RAD21L1: variants seen among roughly 807,000 people sequenced by gnomAD.
The protein encoded by RAD21L1 is RAD21 cohesin complex component like 1.
RAD21L1 carries 47 observed loss-of-function variants against 69.0 expected under a neutral mutation model. The observed-to-expected ratio is 0.68, with a 90% confidence interval of 0.54 to 0.87. RAD21L1 has a LOEUF of 0.87. Among genes scored for constraint, RAD21L1 ranks in the 40% least tolerant of loss-of-function variants. The pLI, the probability that RAD21L1 is intolerant of heterozygous loss-of-function variation, is 0.00. For missense variants in RAD21L1, 583 were observed against 647.6 expected, an observed-to-expected ratio of 0.90 and a Z score of 1.08; for synonymous variants, 177 against 205.8, an observed-to-expected ratio of 0.86 and a Z score of 1.20.
chr20:1,254,224 G>T, intron 13 of RAD21L1, 45 bp from the exon 14 acceptor site: 2 of 1,326,604 alleles, frequency 1.5e-6, no homozygotes, highest in East Asian at 2.6e-5. Context: ...TACTTCTAAT[G>T]ATCTTGTTTC....
intron 5 of RAD21L1, among the ~76,000 whole-genome samples, chr20:1,236,562 G>A (rs944336278): frequency 5.9e-5 from 9 of 151,840 alleles, no homozygotes; most frequent in African/African-American, 2.2e-4. Flanking sequence ...TTAGTAAATG[G>A]GCAGATTTGG....
At chr20:1,235,121 C>T (rs1308126293) in intron 5 of RAD21L1, among the ~76,000 whole-genome samples, 3 of 152,070 alleles carry the variant, frequency 2.0e-5, no homozygotes, top group Non-Finnish European at 4.4e-5. Flanking sequence ...TCTCCTACTC[C>T]CTGTCTTATA....
intron 7 of RAD21L1, 65 bp downstream of exon 7, chr20:1,239,472 G>C: frequency 1.2e-6 from 1 of 824,128 alleles, no homozygotes; most frequent in African/African-American, 1.7e-5. Flanking sequence ...CAGAACTTCT[G>C]AATTTAAGTA....
Position 1,243,080 on chromosome 20 carries a change from AAT to A in RAD21L1, c.1084-16_1084-15del, listed in dbSNP as rs1317565826. ...CTGGTACAAAAACAAAAAAAACAAA[AAT>A]GTGTATTTTTACAGTTGTTTACAAA... On this transcript the variant is annotated splice_polypyrimidine_tract_variant and intron_variant, in intron 9 of 13. Coordinates refer to ENST00000683101, the MANE Select transcript of RAD21L1 (RefSeq NM_001384355.1). The A allele has an allele frequency of 2.0e-6, 3 of 1,464,048 alleles. No homozygotes were observed. The highest frequency in any genetic ancestry group is 2.7e-6 in the Non-Finnish European group (3 of 1,092,108). 90.7% of individuals were successfully genotyped at this position (1,464,048 alleles called of 1,614,324 possible). A position where few individuals can be genotyped will look rare whatever the true frequency, so the allele number is the denominator to read the frequency against.
At chr20:1,231,355 A>G (rs1396472401) in intron 3 of RAD21L1, among the ~76,000 whole-genome samples, 171 bp from the exon 4 acceptor site, 1 of 152,214 alleles carries the variant, frequency 6.6e-6, no homozygotes, top group African/African-American at 2.4e-5. Flanking sequence ...TAGTTTTTTA[A>G]AATATTACTC....
In RAD21L1 at chr20:1,239,397, T is replaced by C; in HGVS notation, c.732T>C (p.Asn244=). The part of the protein sequence containing the change: ...REISLPSEPP[N]SLAVEPDNSE... ...TTTCCCTGCCTTCTGAGCCTCCCAA[T>C]AGTTTAGCAGGTAGGTTGAAATTTT... Residue 244 remains asparagine, a synonymous_variant, in exon 7 of 14, where the codon AAT becomes AAC. Coordinates refer to ENST00000683101, the MANE Select transcript of RAD21L1 (RefSeq NM_001384355.1). 1.9e-6 allele frequency: 3 copies of C among 1,540,084 alleles called. No homozygotes were observed. The highest frequency in any genetic ancestry group is 1.2e-5 in the South Asian group (1 of 83,692).
rs2087728766 is a variant in RAD21L1, at chr20:1,246,922, G to C, written c.1401+617G>C. Among the ~76,000 whole-genome samples the C allele has an allele frequency of 6.6e-6, 1 of 152,076 alleles. No homozygotes were observed. Among genetic ancestry groups the C allele is most frequent in the Non-Finnish European group, 1.5e-5 (1 of 67,988 alleles). On this transcript the variant is annotated intron_variant, in intron 12 of 13. Coordinates refer to ENST00000683101, the MANE Select transcript of RAD21L1 (RefSeq NM_001384355.1). The surrounding 1 kb of genome is among the most constrained non-coding windows in gnomAD (Gnocchi z 4.6). ...AAGATTGTAAGGAATTTTAGTAAAA[G>C]TTTTTTAGTAAATAATATAAAAACA... is the stretch of plus-strand genomic sequence containing the variant.
At chr20:1,230,926 ATAAT>A (rs1350274181) in intron 3 of RAD21L1, 1 of 163,856 alleles carries the variant, frequency 6.1e-6, no homozygotes, top group Admixed American at 6.5e-5. Context: ...AGGAAATCAG[ATAAT>A]TAAAGTATTT....
In RAD21L1 at chr20:1,234,177, A is replaced by G; in HGVS notation, c.461A>G (p.Gln154Arg). 6.8e-7 allele frequency: 1 copy of G among 1,472,452 alleles called. No individual in the cohort carries two copies. The highest frequency in any genetic ancestry group is 9.3e-7 in the Non-Finnish European group (1 of 1,076,216). 91.2% of individuals were successfully genotyped at this position (1,472,452 alleles called of 1,614,324 possible). A position where few individuals can be genotyped will look rare whatever the true frequency, so the allele number is the denominator to read the frequency against. The change falls in exon 5 of 14, where the codon CAA (glutamine) becomes CGA (arginine). Residue 154 changes from glutamine to arginine, a missense_variant. Coordinates refer to ENST00000683101, the MANE Select transcript of RAD21L1 (RefSeq NM_001384355.1). ...RENFDNDLIF[Q>R]AESFGEESEI... is the part of the protein sequence containing the mutation. ...AATTTTGACAATGATCTAATTTTCC[A>G]AGCTGAGAGCTTTGGTGAGAATATT...
Position 1,254,255 on chromosome 20 carries a change from A to T in RAD21L1, c.1480-14A>T, listed in dbSNP as rs1166756482. 4.8e-6 allele frequency: 7 copies of T among 1,445,460 alleles called. No homozygotes were observed. The highest frequency in any genetic ancestry group is 5.0e-5 in the Admixed American group (2 of 40,190). The allele number at this position is 1,445,460 out of a possible 1,614,324, so 89.5% of individuals were successfully genotyped here. On this transcript the variant is annotated splice_polypyrimidine_tract_variant and intron_variant, in intron 13 of 13. Coordinates refer to ENST00000683101, the MANE Select transcript of RAD21L1 (RefSeq NM_001384355.1). ...GTTTCCCATTTCTTTTTTCTTTTCT[A>T]ATTATTTTCCCAGGAATCTAACAAG...
At position 1,244,124 on chromosome 20, in the gene RAD21L1, C is replaced by G; in HGVS notation, c.1262C>G (p.Ser421Cys). 1 of 1,548,838 alleles carries G rather than the reference C, an allele frequency of 6.5e-7. No individual in the cohort carries two copies. The highest frequency in any genetic ancestry group is 8.7e-7 in the Non-Finnish European group (1 of 1,144,582). The part of the protein sequence containing the change: ...PQTWKDVIGG[S>C]QHSSHEDTNK... Reference sequence around the variant, plus strand: ...ACTTGGAAGGATGTGATTGGTGGATCTCAGCATAGCTCTCATGAGGATACC... The same window carrying G: ...ACTTGGAAGGATGTGATTGGTGGATGTCAGCATAGCTCTCATGAGGATACC... Residue 421 changes from serine (S) to cysteine (C), a missense_variant, in exon 11 of 14, where the codon TCT becomes TGT. By Grantham distance (112) the Ser-to-Cys change is moderately radical. Transcript: ENST00000683101.
At position 1,244,093 on chromosome 20, in the gene RAD21L1, C is replaced by A. The variant is rs957452570; in HGVS notation, c.1231C>A (p.Pro411Thr). The A allele has an allele frequency of 6.5e-7, 1 of 1,549,602 alleles. No individual in the cohort carries two copies. The highest frequency in any genetic ancestry group is 8.7e-7 in the Non-Finnish European group (1 of 1,145,258). ...EPNYQQELSK[P>T]QTWKDVIGGS... is the part of the protein sequence containing the mutation. ...AAATTACCAGCAAGAGTTAAGTAAA[C>A]CCCAAACTTGGAAGGATGTGATTGG... The change falls in exon 11 of 14, where the codon CCC becomes ACC. Residue 411 changes from proline to threonine, a missense_variant. Pro to Thr is a conservative substitution (Grantham distance 38, BLOSUM62 -1). Coordinates refer to ENST00000683101, the MANE Select transcript of RAD21L1 (RefSeq NM_001384355.1).
At chr20:1,244,755 C>G (rs2087686571) in intron 11 of RAD21L1, among the ~76,000 whole-genome samples, 1 of 151,990 alleles carries the variant, frequency 6.6e-6, no homozygotes, top group African/African-American at 2.4e-5. Flanking sequence ...ATTGGTTGTA[C>G]AAATATAAAT....
rs529116120 is a variant in RAD21L1 at position 1,236,487 on chromosome 20, A to G, written c.476-1557A>G. 6.6e-5 allele frequency among the ~76,000 whole-genome samples: 10 copies of G among 152,332 alleles called. 1 individual carries two copies. The highest frequency in any genetic ancestry group is 2.4e-4 in the African/African-American group (10 of 41,578). On this transcript the variant is annotated intron_variant, in intron 5 of 13. Coordinates refer to ENST00000683101, the MANE Select transcript of RAD21L1 (RefSeq NM_001384355.1). ...GCAAATGTCTTACCACCCAACAAAT[A>G]CAATTTAGTTGTTCACATTTCTGTA...
At chr20:1,248,551 AAC>A in intron 12 of RAD21L1, 73 bp from the exon 13 acceptor site, 1 of 760,666 alleles carries the variant, frequency 1.3e-6, no homozygotes, top group Non-Finnish European at 2.2e-6. Context: ...TGTAGAAGCT[AAC>A]ACTATGATGG....
intron 12 of RAD21L1, among the ~76,000 whole-genome samples, chr20:1,247,797 AG>A (rs1212211714): frequency 6.6e-6 from 1 of 152,098 alleles, no homozygotes; most frequent in Non-Finnish European, 1.5e-5. Context: ...AGTGGACATG[AG>A]GTGAGAGTGA....
At chr20:1,251,771 G>GT (rs909425853) in intron 13 of RAD21L1, among the ~76,000 whole-genome samples, 3 of 151,482 alleles carry the variant, frequency 2.0e-5, no homozygotes, top group East Asian at 1.9e-4. Context: ...TTTTCCAGGA[G>GT]TTTTTTTTCT....
Position 1,228,534 on chromosome 20 carries a change from C to T in RAD21L1, c.81C>T (p.Leu27=). 2.6e-6 allele frequency: 4 copies of T among 1,550,336 alleles called. No individual in the cohort carries two copies. The South Asian group carries it at 3.6e-5, about 14-fold the overall frequency. ...IWLAAHWEKK[L]TKAHVFECNL... ...TTGCAGCTCACTGGGAGAAGAAACT[C>T]ACAAAGGCCCATGTATTTGAATGTA... The change falls in exon 2 of 14, where the codon CTC becomes CTT. Residue 27 remains leucine (L), a synonymous_variant. Coordinates refer to ENST00000683101, the MANE Select transcript of RAD21L1 (RefSeq NM_001384355.1).
At chr20:1,248,561 T>C (rs2087763229) in intron 12 of RAD21L1, 65 bp from the exon 13 acceptor site, 1 of 871,664 alleles carries the variant, frequency 1.1e-6, no homozygotes, top group Non-Finnish European at 1.8e-6. Flanking sequence ...AACACTATGA[T>C]GGGCAAATAG....
Sources: gnomAD v4.1 joint callset for allele counts (sites outside exome capture counted in the v4.1 genomes callset) on GRCh38, gnomAD v4.1.1 for gene constraint, Gnocchi (gnomAD v3.1) non-coding constraint, MANE v1.5 for transcripts, NCBI Gene and HGNC (gene_info 2026-07-23, HGNC 2026-07-21) for gene names.